The following DAZL variants were observed in gnomAD, a reference collection of about 807,000 sequenced individuals.
The protein encoded by DAZL is deleted in azoospermia-like.
In DAZL, 4 loss-of-function variants were observed where a neutral mutation model predicts 45.0. The ratio of observed to expected loss-of-function variants is 0.09; its 90% confidence interval spans 0.04 to 0.20. The LOEUF (loss-of-function observed/expected upper bound fraction) is 0.20. Among genes scored for constraint, DAZL ranks in the 10% least tolerant of loss-of-function variants. DAZL has a pLI of 1.00. For synonymous variants in DAZL, 122 were observed against 112.4 expected (o/e 1.09, Z -0.54); for missense variants, 326 against 351.3 (o/e 0.93, Z 0.58).
chr3:16,596,779 T>C lies in DAZL; in HGVS notation c.469A>G (p.Thr157Ala), dbSNP rs915248084. Residue 157 changes from threonine (T) to alanine (A), a missense_variant, in exon 6 of 11, where the codon ACG becomes GCG. Physicochemically the swap from Thr to Ala is moderately conservative, Grantham distance 58. Coordinates refer to ENST00000399444, the MANE Select transcript of DAZL (RefSeq NM_001351.4). ...NTETYMQPTT[T>A]MNPITQYVQA... The stretch of plus-strand genomic sequence containing the variant: ...ACATACTGAGTTATAGGATTCATCG[T>C]GGTTGTGGGCTGCATATAAGTTTCA... The C allele has an allele frequency of 1.2e-6, 2 of 1,613,654 alleles. No individual in the cohort carries two copies. Among genetic ancestry groups the C allele is most frequent in the Non-Finnish European group, 1.7e-6 (2 of 1,179,724 alleles).
At chr3:16,604,059 G>A (rs1390938191) in intron 1 of DAZL, among the ~76,000 whole-genome samples, 2 of 152,150 alleles carry the variant, frequency 1.3e-5, no homozygotes, top group Non-Finnish European at 2.9e-5. Context: ...AACTCAAGGT[G>A]ATTACTTTTT....
chr3:16,604,080 A>G (rs1038221791), intron 1 of DAZL, among the ~76,000 whole-genome samples: 1 of 152,264 alleles, frequency 6.6e-6, no homozygotes, highest in African/African-American at 2.4e-5. Flanking sequence ...ATTAGCATGG[A>G]TAACTATATG....
At chr3:16,604,715 G>A (rs1262455185) in intron 1 of DAZL, 5 of 1,360,842 alleles carry the variant, frequency 3.7e-6, no homozygotes, top group East Asian at 2.8e-5. Flanking sequence ...TCCCTCAGCA[G>A]GCCCGCCGCC....
rs779338016 is a variant in DAZL at position 16,592,125 on chromosome 3, T to C, written c.759A>G (p.Gln253=). ...PQKKSVDRSI[Q]TVVSCLFNPE... The stretch of plus-strand genomic sequence containing the variant: ...GATTAAACAGACAAGATACCACCGT[T>C]TGTATGCTTCGGTCCACAGATTTCT... The change falls in exon 10 of 11, where the codon CAA becomes CAG. Residue 253 remains glutamine, a synonymous_variant. Transcript: ENST00000399444. 6.2e-7 allele frequency: 1 copy of C among 1,613,660 alleles called. No homozygotes were observed. The highest frequency in any genetic ancestry group is 8.5e-7 in the Non-Finnish European group (1 of 1,179,892).
chr3:16,594,736 C>T lies in DAZL; in HGVS notation c.571-153G>A, dbSNP rs1559402464. On this transcript the variant is annotated intron_variant, in intron 7 of 10. Coordinates refer to ENST00000399444, the MANE Select transcript of DAZL (RefSeq NM_001351.4). ...AATGAAAAAAAAGTACTTTATGTTT[C>T]TAATCCCTGATGTTCTTGTTACTTC... Among the ~76,000 whole-genome samples, 4 of 151,856 alleles carry T rather than the reference C, an allele frequency of 2.6e-5. No homozygotes were observed. The South Asian group carries it at 6.2e-4, about 24-fold the overall frequency.
intron 10 of DAZL, among the ~76,000 whole-genome samples, chr3:16,591,510 G>C (rs1397755391): frequency 6.6e-6 from 1 of 150,808 alleles, no homozygotes; most frequent in Non-Finnish European, 1.5e-5. Flanking sequence ...GCTCAATGCA[G>C]ACTCAACTTC....
chr3:16,594,521 A>G lies in DAZL; in HGVS notation c.621+12T>C, dbSNP rs750053421. The G allele has an allele frequency of 1.3e-6, 2 of 1,579,050 alleles. No homozygotes were observed. Among genetic ancestry groups the G allele is most frequent in the Admixed American group, 1.8e-5 (1 of 56,716 alleles). On this transcript the variant is annotated intron_variant, in intron 8 of 10. Transcript: ENST00000399444. The stretch of plus-strand genomic sequence containing the variant: ...AATAACAGGAATTATATGTTTGGCT[A>G]ATTCACTTTACCGGAGGTACAACAT...
Position 16,597,484 on chromosome 3 carries a change from A to T in DAZL, c.294+6T>A. ...ACAAATGAGATTTTTCTATTAGATT[A>T]CTTACTTCTACTATCTTCTGCACAT... On this transcript the variant is annotated splice_donor_region_variant and intron_variant, in intron 4 of 10. Coordinates refer to ENST00000399444, the MANE Select transcript of DAZL (RefSeq NM_001351.4). 6.7e-7 allele frequency: 1 copy of T among 1,486,226 alleles called. No homozygotes were observed. The highest frequency in any genetic ancestry group is 9.4e-7 in the Non-Finnish European group (1 of 1,063,922). 92.1% of individuals were successfully genotyped at this position (1,486,226 alleles called of 1,614,324 possible). A position where few individuals can be genotyped will look rare whatever the true frequency, so the allele number is the denominator to read the frequency against.
intron 9 of DAZL, among the ~76,000 whole-genome samples, chr3:16,593,420 A>C (rs1366313457): frequency 6.6e-6 from 1 of 152,178 alleles, no homozygotes; most frequent in Non-Finnish European, 1.5e-5. Flanking sequence ...CAATCCACCC[A>C]TCTCAGCCCC....
chr3:16,591,261 A>T (rs1327339278), intron 10 of DAZL, among the ~76,000 whole-genome samples: 1 of 152,072 alleles, frequency 6.6e-6, no homozygotes, highest in African/African-American at 2.4e-5. Flanking sequence ...ATTTTTCTGG[A>T]ATTCAACTAC....
intron 3 of DAZL, among the ~76,000 whole-genome samples, 191 bp from the exon 4 acceptor site, chr3:16,597,732 A>C (rs1187882275): frequency 6.6e-6 from 1 of 152,218 alleles, no homozygotes; most frequent in East Asian, 1.9e-4. Flanking sequence ...AAAATGTGCT[A>C]AGATTAGGGT....
At chr3:16,592,836 T>C (rs1694541406) in intron 9 of DAZL, among the ~76,000 whole-genome samples, 2 of 152,208 alleles carry the variant, frequency 1.3e-5, no homozygotes, top group African/African-American at 4.8e-5. Context: ...TACACTCCAA[T>C]GGGACTTCAG....
chr3:16,604,773 G>C, intron 1 of DAZL: 2 of 1,363,280 alleles, frequency 1.5e-6, no homozygotes, highest in South Asian at 3.7e-5. Flanking sequence ...GGCTGGCGGG[G>C]CGGAGGCGCG....
chr3:16,602,451 A>T (rs953360511), intron 1 of DAZL, among the ~76,000 whole-genome samples: 2 of 152,224 alleles, frequency 1.3e-5, no homozygotes, highest in African/African-American at 4.8e-5. Context: ...CACATCAGAC[A>T]CCAGAAATAA....
chr3:16,605,008 G>T (rs1694756414), intron 1 of DAZL, among the ~76,000 whole-genome samples, 195 bp downstream of exon 1: 1 of 152,240 alleles, frequency 6.6e-6, no homozygotes, highest in Non-Finnish European at 1.5e-5. Context: ...TCCCGCGCCT[G>T]CCTCTCTGTG....
At chr3:16,604,094 C>T (rs1182612433) in intron 1 of DAZL, among the ~76,000 whole-genome samples, 1 of 152,068 alleles carries the variant, frequency 6.6e-6, no homozygotes, top group Non-Finnish European at 1.5e-5. Flanking sequence ...CTATATGTTG[C>T]ACAATTACAC....
At chr3:16,604,687 G>A in intron 1 of DAZL, 3 of 1,348,964 alleles carry the variant, frequency 2.2e-6, no homozygotes, top group South Asian at 2.1e-5. Flanking sequence ...TCCGGCCCTC[G>A]AAGTTTAAGA....
chr3:16,595,698 T>C (rs1168038777), intron 6 of DAZL, among the ~76,000 whole-genome samples: 1 of 151,952 alleles, frequency 6.6e-6, no homozygotes, highest in Admixed American at 6.6e-5. Context: ...AAGGCTCTAT[T>C]CAGACAGACT....
intron 2 of DAZL, 95 bp downstream of exon 2, chr3:16,598,357 C>T (rs1694632435): frequency 2.0e-6 from 3 of 1,529,400 alleles, no homozygotes; most frequent in East Asian, 2.3e-5. Context: ...TTCTAAACCT[C>T]CATGAAGTAC....
Sources: allele counts gnomAD v4.1 joint callset (sites outside exome capture counted in the v4.1 genomes callset), GRCh38; gene constraint gnomAD v4.1.1; transcripts MANE v1.5; gene names NCBI Gene and HGNC (gene_info 2026-07-23, HGNC 2026-07-21).